The following KCNH1 variants were observed in gnomAD, a reference collection of about 807,000 sequenced individuals.
The protein encoded by KCNH1 is voltage-gated delayed rectifier potassium channel KCNH1.
A neutral mutation model predicts 69.2 loss-of-function variants in KCNH1; 27 were observed. The ratio of observed to expected loss-of-function variants is 0.39; its 90% CI spans 0.29 to 0.54. The LOEUF (loss-of-function observed/expected upper bound fraction) is 0.54, where lower values mean the gene tolerates loss of function less well. Among genes scored for constraint, KCNH1 ranks in the 20% least tolerant of loss-of-function variants. The pLI is 0.68. For synonymous variants in KCNH1, 456 were observed against 487.7 expected (o/e 0.93, Z 0.86); for missense variants, 798 against 1,261.6 (o/e 0.63, Z 5.57).
chr1:210,719,926 T>C (rs1267679509), intron 10 of KCNH1, among the ~76,000 whole-genome samples: 1 of 152,188 alleles, frequency 6.6e-6, no homozygotes, highest in Non-Finnish European at 1.5e-5. Context: ...CCCACTGGGC[T>C]TCCTTCCCTC....
chr1:210,744,779 C>T (rs967137527), intron 10 of KCNH1, among the ~76,000 whole-genome samples: 1 of 152,146 alleles, frequency 6.6e-6, no homozygotes, highest in Admixed American at 6.5e-5. Flanking sequence ...AAAAATATGC[C>T]TAGTGTCTGG....
chr1:211,047,885 G>A lies in KCNH1; in HGVS notation c.559-28629C>T, dbSNP rs943601706. ...AAAAAAAAAATCCTATCAAAAAGTGGGCTAAGGACATGAATAGACAATACT... is the reference window on the plus strand; with the variant it reads ...AAAAAAAAAATCCTATCAAAAAGTGAGCTAAGGACATGAATAGACAATACT... On this transcript the variant is annotated intron_variant, in intron 5 of 10. Transcript: ENST00000271751. Among the ~76,000 whole-genome samples, 10 of 151,684 alleles carry A rather than the reference G, an allele frequency of 6.6e-5. No individual in the cohort carries two copies. The South Asian group carries it at 1.9e-3, about 28-fold the overall frequency.
intron 6 of KCNH1, among the ~76,000 whole-genome samples, chr1:210,960,317 A>G (rs1224290434): frequency 1.3e-5 from 2 of 152,150 alleles, no homozygotes; most frequent in African/African-American, 4.8e-5. Flanking sequence ...TTACTGAGGT[A>G]CAGTAATTTT....
intron 5 of KCNH1, among the ~76,000 whole-genome samples, chr1:211,050,511 T>C (rs1690182355): frequency 1.3e-5 from 2 of 152,150 alleles, no homozygotes; most frequent in Admixed American, 1.3e-4. Flanking sequence ...GTATTAACCA[T>C]ACGCTTTACA....
chr1:210,869,960 G>A (rs1012289320), intron 7 of KCNH1, among the ~76,000 whole-genome samples: 3 of 152,058 alleles, frequency 2.0e-5, no homozygotes, highest in African/African-American at 4.8e-5. Context: ...TTTCTCTACT[G>A]AGCACATTCC....
intron 6 of KCNH1, among the ~76,000 whole-genome samples, chr1:210,998,693 A>C (rs1689104704): frequency 6.6e-6 from 1 of 152,220 alleles, no homozygotes; most frequent in South Asian, 2.1e-4. Context: ...CTCCACCCCA[A>C]ATCAACAGAA....
chr1:210,918,592 C>T (rs969505823), intron 7 of KCNH1, among the ~76,000 whole-genome samples: 1 of 152,196 alleles, frequency 6.6e-6, no homozygotes, highest in African/African-American at 2.4e-5. Context: ...ATACAACAGT[C>T]AGTGGGTAAA....
chr1:210,941,326 T>TAGAA (rs1687871742), intron 6 of KCNH1, among the ~76,000 whole-genome samples: 1 of 152,164 alleles, frequency 6.6e-6, no homozygotes, highest in Non-Finnish European at 1.5e-5. Flanking sequence ...AGTAAGAAGG[T>TAGAA]AGAAGCCTCC....
At chr1:210,850,359 A>T (rs1264652754) in intron 7 of KCNH1, among the ~76,000 whole-genome samples, 3 of 151,882 alleles carry the variant, frequency 2.0e-5, no homozygotes, top group Non-Finnish European at 4.4e-5. Flanking sequence ...ATACCAAAAA[A>T]AAGTAGCTGG....
chr1:210,692,857 C>G (rs1294729591), intron 10 of KCNH1, among the ~76,000 whole-genome samples: 3 of 152,226 alleles, frequency 2.0e-5, no homozygotes, highest in Non-Finnish European at 4.4e-5. Context: ...GACCTCTGGC[C>G]TCCAGAACTG....
intron 5 of KCNH1, chr1:211,063,289 C>G (rs1364797493): frequency 6.6e-6 from 1 of 151,882 alleles, no homozygotes; most frequent in Non-Finnish European, 1.5e-5. Flanking sequence ...ATTACCGTTA[C>G]CAGAGTCTAG....
At chr1:211,096,820 A>C (rs1020647167) in intron 3 of KCNH1, among the ~76,000 whole-genome samples, 3 of 152,240 alleles carry the variant, frequency 2.0e-5, no homozygotes, top group Non-Finnish European at 2.9e-5. Context: ...TAAATCTTTG[A>C]AATTATTAGA....
intron 7 of KCNH1, among the ~76,000 whole-genome samples, chr1:210,809,455 T>C (rs549125926): frequency 3.3e-5 from 5 of 152,074 alleles, no homozygotes; most frequent in Non-Finnish European, 7.4e-5. Context: ...AGATGTATGG[T>C]GAATGGGGTG....
intron 6 of KCNH1, among the ~76,000 whole-genome samples, chr1:210,926,226 G>T (rs1452080338): frequency 6.6e-6 from 1 of 151,914 alleles, no homozygotes; most frequent in Non-Finnish European, 1.5e-5. Context: ...CAGCACCATT[G>T]CCCTCCAGCC....
intron 7 of KCNH1, among the ~76,000 whole-genome samples, chr1:210,917,615 G>C (rs1396950236): frequency 6.6e-6 from 1 of 152,132 alleles, no homozygotes; most frequent in Admixed American, 6.5e-5. Context: ...TCCATAAAAT[G>C]GGACCCATTT....
At chr1:211,008,154 T>C (rs1444094361) in intron 6 of KCNH1, among the ~76,000 whole-genome samples, 6 of 152,196 alleles carry the variant, frequency 3.9e-5, no homozygotes, top group Non-Finnish European at 8.8e-5. Flanking sequence ...AAGCAACTCA[T>C]ATCCACTGAT....
chr1:210,848,292 C>T (rs775748303), intron 7 of KCNH1, among the ~76,000 whole-genome samples: 11 of 152,170 alleles, frequency 7.2e-5, no homozygotes, highest in African/African-American at 2.2e-4. Flanking sequence ...GAATTGGGTA[C>T]GTGAACCATT....
At chr1:211,034,135 A>C (rs1276305301) in intron 5 of KCNH1, among the ~76,000 whole-genome samples, 2 of 152,194 alleles carry the variant, frequency 1.3e-5, no homozygotes, top group Non-Finnish European at 2.9e-5. Context: ...CTTGTACATG[A>C]ATGTTTATAG....
At chr1:210,755,635 T>C (rs186557948) in intron 10 of KCNH1, among the ~76,000 whole-genome samples, 2 of 152,312 alleles carry the variant, frequency 1.3e-5, no homozygotes, top group Non-Finnish European at 2.9e-5. Flanking sequence ...AGTTTGTCTA[T>C]ACAGAGCAGA....
Sources: allele counts gnomAD v4.1 joint callset (sites outside exome capture counted in the v4.1 genomes callset), GRCh38; gene constraint gnomAD v4.1.1; transcripts MANE v1.5; gene names NCBI Gene and HGNC (gene_info 2026-07-23, HGNC 2026-07-21).